IMPA1: variants seen among roughly 807,000 people sequenced by gnomAD.
The protein encoded by IMPA1 is inositol monophosphatase 1, also known as D-galactose 1-phosphate phosphatase.
IMPA1 carries 21 observed loss-of-function variants against 34.9 expected under a neutral mutation model. The ratio of observed to expected loss-of-function variants is 0.60; its 90% CI spans 0.43 to 0.87. The LOEUF (loss-of-function observed/expected upper bound fraction) is 0.87. Among genes scored for constraint, IMPA1 ranks in the 40% least tolerant of loss-of-function variants. The pLI is 0.00. For synonymous variants in IMPA1, 95 were observed against 104.4 expected (o/e 0.91, Z 0.55); for missense variants, 299 against 336.4 (o/e 0.89, Z 0.87).
chr8:81,658,283 A>G lies in IMPA1; in HGVS notation c.*1068T>C, dbSNP rs1008081713. On this transcript the variant is annotated 3_prime_UTR_variant, in exon 9 of 9. Transcript: ENST00000256108. Reference sequence around the variant, plus strand: ...TTTAAAAATGTCTATGAACAAGTACAATTTTCTTTTTGAGTTCTGCAGAGC... The same window carrying G: ...TTTAAAAATGTCTATGAACAAGTACGATTTTCTTTTTGAGTTCTGCAGAGC... 2.6e-4 allele frequency: 39 copies of G among 152,234 alleles called. No individual in the cohort carries two copies. The highest frequency in any genetic ancestry group is 7.2e-4 in the Admixed American group (11 of 15,284). 9.4% of individuals were successfully genotyped at this position (152,234 alleles called of 1,614,324 possible). A position where few individuals can be genotyped will look rare whatever the true frequency, so the allele number is the denominator to read the frequency against.
chr8:81,685,343 A>G lies in IMPA1; in HGVS notation c.-25+909T>C, dbSNP rs1348362505. Among the ~76,000 whole-genome samples the G allele has an allele frequency of 2.2e-5, 3 of 137,366 alleles. No homozygotes were observed. In the Admixed American group the frequency reaches 2.3e-4, roughly 10 times the overall value. The allele number at this position is 137,366 out of a possible 152,430, so 90.1% of individuals were successfully genotyped here. On this transcript the variant is annotated intron_variant, in intron 1 of 8. Coordinates refer to ENST00000256108, the MANE Select transcript of IMPA1 (RefSeq NM_005536.4). ...TATACATATAGTATATTTATATACT[A>G]TATGTAAGTATATATGTAAGTATAT...
intron 7 of IMPA1, among the ~76,000 whole-genome samples, chr8:81,668,448 C>T (rs546520058): frequency 6.6e-6 from 1 of 152,154 alleles, no homozygotes; most frequent in East Asian, 1.9e-4. Flanking sequence ...TAAAAATTAA[C>T]TGGATGTGGT....
intron 7 of IMPA1, among the ~76,000 whole-genome samples, chr8:81,661,075 T>C (rs1806660848): frequency 6.6e-6 from 1 of 152,134 alleles, no homozygotes; most frequent in South Asian, 2.1e-4. Context: ...ATGGTATGGG[T>C]CATTTTCAAC....
At chr8:81,685,968 T>C in intron 1 of IMPA1, 1 of 1,493,482 alleles carries the variant, frequency 6.7e-7, no homozygotes, top group Non-Finnish European at 9.0e-7. Flanking sequence ...TAGGAGCTTT[T>C]CGGAGTTGGG....
At chr8:81,674,781 T>C (rs1020842993) in intron 5 of IMPA1, 3 of 455,234 alleles carry the variant, frequency 6.6e-6, no homozygotes, top group African/African-American at 4.0e-5. Context: ...CACAAATTCA[T>C]TTTGGCTCCC....
At chr8:81,661,640 T>C (rs1351202317) in intron 7 of IMPA1, among the ~76,000 whole-genome samples, 2 of 152,238 alleles carry the variant, frequency 1.3e-5, no homozygotes, top group Admixed American at 1.3e-4. Flanking sequence ...TGATGAGAAA[T>C]GACAACTAAA....
At chr8:81,674,642 A>G (rs1393890308) in intron 5 of IMPA1, 1 of 348,576 alleles carries the variant, frequency 2.9e-6, no homozygotes, top group East Asian at 8.1e-5. Context: ...CGTTTCAGTT[A>G]TGATTTTAGA....
intron 4 of IMPA1, among the ~76,000 whole-genome samples, chr8:81,677,500 T>C (rs1807164959): frequency 6.6e-6 from 1 of 152,232 alleles, no homozygotes; most frequent in South Asian, 2.1e-4. Flanking sequence ...ACTTTAGGCT[T>C]GGCCTCTGAA....
At chr8:81,682,999 GAGA>G (rs1208861032) in intron 1 of IMPA1, among the ~76,000 whole-genome samples, 1 of 152,178 alleles carries the variant, frequency 6.6e-6, no homozygotes, top group African/African-American at 2.4e-5. Context: ...ATAAGTTAAG[GAGA>G]AGAAGTGCAA....
intron 7 of IMPA1, among the ~76,000 whole-genome samples, chr8:81,668,784 A>T (rs1806906674): frequency 6.6e-6 from 1 of 152,112 alleles, no homozygotes; most frequent in Non-Finnish European, 1.5e-5. Flanking sequence ...ACAATGAAAG[A>T]AAGAACCCGA....
At chr8:81,672,157 T>G (rs186158750) in intron 6 of IMPA1, among the ~76,000 whole-genome samples, 1 of 152,330 alleles carries the variant, frequency 6.6e-6, no homozygotes, top group East Asian at 1.9e-4. Context: ...TCTAGAAAGA[T>G]TCTAAACTCA....
chr8:81,681,759 T>C (rs1448797255), intron 1 of IMPA1, among the ~76,000 whole-genome samples, 175 bp from the exon 2 acceptor site: 4 of 152,198 alleles, frequency 2.6e-5, no homozygotes, highest in Non-Finnish European at 5.9e-5. Flanking sequence ...ATTACCTAAT[T>C]TCTATATCAA....
At chr8:81,668,793 G>T (rs905928590) in intron 7 of IMPA1, among the ~76,000 whole-genome samples, 1 of 152,078 alleles carries the variant, frequency 6.6e-6, no homozygotes, top group Non-Finnish European at 1.5e-5. Context: ...GAAAGAACCC[G>T]AAGGCATTTA....
Position 81,670,990 on chromosome 8 carries a change from A to G in IMPA1, c.515T>C (p.Val172Ala), listed in dbSNP as rs1278747457. The G allele has an allele frequency of 6.5e-7, 1 of 1,536,692 alleles. No homozygotes were observed. Residue 172 changes from valine to alanine, a missense_variant, in exon 7 of 9, where the codon GTG becomes GCG. Transcript: ENST00000256108. The part of the protein sequence containing the change: ...ELGSSRTPET[V>A]RMVLSNMEKL... ...TTCCATATTAGAAAGAACCATTCTC[A>G]CAGTCTCTGGTGTTCTGGAAGAGCC...
intron 7 of IMPA1, among the ~76,000 whole-genome samples, chr8:81,666,965 G>A (rs185595124): frequency 3.6e-4 from 54 of 149,850 alleles, no homozygotes; most frequent in African/African-American, 1.0e-3. Context: ...CAAAGAATAC[G>A]TAAAAATTAC....
chr8:81,674,969 ACTTAGTT>A, intron 5 of IMPA1: 1 of 391,670 alleles, frequency 2.6e-6, no homozygotes. Flanking sequence ...CACTGCCTCT[ACTTAGTT>A]CACCCACACC....
chr8:81,665,821 A>C (rs1237069347), intron 7 of IMPA1, among the ~76,000 whole-genome samples: 2 of 152,206 alleles, frequency 1.3e-5, no homozygotes, highest in African/African-American at 4.8e-5. Context: ...ATTTTCAAGA[A>C]ATTTATACTT....
In IMPA1 at chr8:81,657,221, T is replaced by G. The variant is rs930173146; in HGVS notation, c.*2130A>C. ...AGGTTTTTAGAAAAGTTGGAAAGAT[T>G]ACAGGCAAAAAATAAGAACATATAT... is the stretch of plus-strand genomic sequence containing the variant. On this transcript the variant is annotated 3_prime_UTR_variant, in exon 9 of 9. Coordinates refer to ENST00000256108, the MANE Select transcript of IMPA1 (RefSeq NM_005536.4). Among the ~76,000 whole-genome samples the G allele has an allele frequency of 1.3e-5, 2 of 152,182 alleles. No homozygotes were observed. The highest frequency in any genetic ancestry group is 1.3e-4 in the Admixed American group (2 of 15,258).
chr8:81,667,667 T>C (rs1806868957), intron 7 of IMPA1, among the ~76,000 whole-genome samples: 1 of 151,958 alleles, frequency 6.6e-6, no homozygotes, highest in East Asian at 1.9e-4. Context: ...AGAGATTGAG[T>C]TAAGTAGCTC....
Sources: gnomAD v4.1 joint callset for allele counts (sites outside exome capture counted in the v4.1 genomes callset) on GRCh38, gnomAD v4.1.1 for gene constraint, MANE v1.5 for transcripts, NCBI Gene and HGNC (gene_info 2026-07-23, HGNC 2026-07-21) for gene names.